STXBP6: variants seen among roughly 807,000 people sequenced by gnomAD.
STXBP6 encodes the protein syntaxin binding protein 6, also known as syntaxin-binding protein 6.
A neutral mutation model predicts 26.9 loss-of-function variants in STXBP6; 21 were observed. The observed-to-expected ratio is 0.78, with a 90% CI of 0.55 to 1.12. STXBP6 has a LOEUF of 1.12. Among genes scored for constraint, STXBP6 ranks in the 50% most tolerant of loss-of-function variants. The pLI is 0.00. For synonymous variants in STXBP6, 97 were observed against 92.6 expected, an observed-to-expected ratio of 1.05 and a Z score of -0.27; for missense variants, 232 against 257.9, an observed-to-expected ratio of 0.90 and a Z score of 0.69.
At chr14:25,014,098 T>G (rs1216528285) in intron 1 of STXBP6, among the ~76,000 whole-genome samples, 3 of 152,212 alleles carry the variant, frequency 2.0e-5, no homozygotes, top group Non-Finnish European at 4.4e-5. Flanking sequence ...GAAACAAGAT[T>G]GGCCATAAAT....
chr14:24,952,155 G>A (rs2073191261), intron 2 of STXBP6, among the ~76,000 whole-genome samples: 1 of 151,380 alleles, frequency 6.6e-6, no homozygotes, highest in South Asian at 2.1e-4. Flanking sequence ...GTTACATGGG[G>A]ATTCATGATA....
At chr14:25,040,664 T>C (rs896719092) in intron 1 of STXBP6, among the ~76,000 whole-genome samples, 8 of 152,254 alleles carry the variant, frequency 5.3e-5, no homozygotes, top group African/African-American at 1.9e-4. Flanking sequence ...GACTAGATAG[T>C]GAAGGGGAAT....
intron 2 of STXBP6, among the ~76,000 whole-genome samples, chr14:24,959,171 A>G (rs1212887737): frequency 6.6e-6 from 1 of 152,352 alleles, no homozygotes; most frequent in Admixed American, 6.5e-5. Flanking sequence ...TTTAAGCAAC[A>G]TATCAGTCTT....
chr14:24,992,155 C>A (rs896692988), intron 1 of STXBP6, among the ~76,000 whole-genome samples: 1 of 152,208 alleles, frequency 6.6e-6, no homozygotes, highest in South Asian at 2.1e-4. Context: ...TATTATGGAG[C>A]TGAAAAAGCA....
At chr14:24,833,377 T>C (rs1426943479) in intron 4 of STXBP6, among the ~76,000 whole-genome samples, 4 of 152,228 alleles carry the variant, frequency 2.6e-5, no homozygotes, top group Non-Finnish European at 5.9e-5. Flanking sequence ...GCATTTATTA[T>C]AATGCATCAA....
chr14:24,995,338 T>C (rs899216444), intron 1 of STXBP6, among the ~76,000 whole-genome samples: 10 of 152,210 alleles, frequency 6.6e-5, no homozygotes, highest in Non-Finnish European at 1.3e-4. Context: ...AGATTCAGCA[T>C]ACGAATTTTG....
intron 1 of STXBP6, among the ~76,000 whole-genome samples, chr14:24,981,208 A>C (rs2074183296): frequency 6.6e-6 from 1 of 152,220 alleles, no homozygotes; most frequent in Non-Finnish European, 1.5e-5. Flanking sequence ...TAATCAAGAG[A>C]GCCACTGAAT....
At chr14:24,996,864 CAAAAAAAAAAAA>C (rs753413417) in intron 1 of STXBP6, among the ~76,000 whole-genome samples, 2 of 60,892 alleles carry the variant, frequency 3.3e-5, no homozygotes, top group Admixed American at 2.1e-4. Context: ...AACTCTGTCT[CAAAAAAAAAAAA>C]AAAAAAAAAA....
At chr14:24,988,233 C>G (rs2074382305) in intron 1 of STXBP6, among the ~76,000 whole-genome samples, 1 of 152,146 alleles carries the variant, frequency 6.6e-6, no homozygotes, top group Admixed American at 6.5e-5. Flanking sequence ...ACAGAGGTAA[C>G]AAAGAAAATC....
chr14:24,882,177 C>A lies in STXBP6; in HGVS notation c.155-25020G>T, dbSNP rs561119415. Among the ~76,000 whole-genome samples, 1,231 of 150,886 alleles carry A rather than the reference C, an allele frequency of 8.2e-3. 13 individuals are homozygous for A. Among genetic ancestry groups the A allele is most frequent in the African/African-American group, 0.022 (911 of 41,044 alleles). On this transcript the variant is annotated intron_variant, in intron 2 of 5. Transcript: ENST00000323944. ...GGCGGATCACGAGGTCAGGAGATCG[C>A]GACCATCCCGGCTAAAACGGTGAAA...
intron 2 of STXBP6, among the ~76,000 whole-genome samples, chr14:24,953,423 C>T (rs1370823066): frequency 1.3e-5 from 2 of 152,176 alleles, no homozygotes; most frequent in South Asian, 2.1e-4. Flanking sequence ...TGCTGAGCTG[C>T]AGTCACACTG....
At chr14:24,854,873 C>T (rs537638859) in intron 4 of STXBP6, among the ~76,000 whole-genome samples, 1 of 152,100 alleles carries the variant, frequency 6.6e-6, no homozygotes, top group South Asian at 2.1e-4. Flanking sequence ...AAAAAATATA[C>T]ACCATTCATC....
chr14:25,047,982 T>G (rs975770512), intron 1 of STXBP6, among the ~76,000 whole-genome samples: 2 of 152,204 alleles, frequency 1.3e-5, no homozygotes, highest in East Asian at 3.9e-4. Flanking sequence ...AGTCATCTCC[T>G]AATCTACATC....
chr14:24,908,383 C>T (rs188337799), intron 2 of STXBP6, among the ~76,000 whole-genome samples: 104 of 152,254 alleles, frequency 6.8e-4, no homozygotes, highest in Non-Finnish European at 1.4e-3. Context: ...CACGCTGATC[C>T]CATTTGCTTT....
At chr14:24,935,036 A>G (rs750795359) in intron 2 of STXBP6, among the ~76,000 whole-genome samples, 9 of 152,220 alleles carry the variant, frequency 5.9e-5, no homozygotes, top group Non-Finnish European at 1.3e-4. Flanking sequence ...ATACGAAACG[A>G]AGGTACAGAA....
chr14:24,927,842 T>C (rs1294006560), intron 2 of STXBP6, among the ~76,000 whole-genome samples: 1 of 152,220 alleles, frequency 6.6e-6, no homozygotes, highest in Non-Finnish European at 1.5e-5. Context: ...CAAACCTTTA[T>C]ACTTGCAACT....
chr14:24,856,474 T>C (rs1425961686), intron 3 of STXBP6, among the ~76,000 whole-genome samples: 1 of 152,152 alleles, frequency 6.6e-6, no homozygotes, highest in Non-Finnish European at 1.5e-5. Context: ...TTCCCTCTTG[T>C]TATTTTAGTC....
intron 2 of STXBP6, among the ~76,000 whole-genome samples, chr14:24,934,584 A>G (rs1566489641): frequency 6.6e-6 from 1 of 152,192 alleles, no homozygotes; most frequent in Non-Finnish European, 1.5e-5. Context: ...TAAAGGCTAA[A>G]CATGGAGAGG....
intron 4 of STXBP6, among the ~76,000 whole-genome samples, chr14:24,823,975 ATTCTC>A (rs2068212993): frequency 6.6e-6 from 1 of 152,162 alleles, no homozygotes; most frequent in African/African-American, 2.4e-5. Flanking sequence ...GCTCTATTCT[ATTCTC>A]ATCTACTGAG....
Sources: gnomAD v4.1 joint callset for allele counts (sites outside exome capture counted in the v4.1 genomes callset) on GRCh38, gnomAD v4.1.1 for gene constraint, MANE v1.5 for transcripts, NCBI Gene and HGNC (gene_info 2026-07-23, HGNC 2026-07-21) for gene names.